Variants in ATP10B observed in about 807,000 individuals in gnomAD.
ATP10B encodes the protein ATPase phospholipid transporting 10B (putative), also known as phospholipid-transporting ATPase VB.
ATP10B carries 122 observed loss-of-function variants against 141.2 expected under a neutral mutation model. That is an observed-to-expected ratio of 0.86 (90% CI 0.75 to 1.00). The LOEUF (loss-of-function observed/expected upper bound fraction) is 1.00, where lower values mean the gene tolerates loss of function less well. ATP10B is among the 50% of genes least tolerant of loss of function. The probability of loss-of-function intolerance (pLI) is 0.00; values close to 1 mark genes in which losing one functional copy is unlikely to be tolerated. For synonymous variants in ATP10B, 685 were observed against 692.0 expected, an observed-to-expected ratio of 0.99 and a Z score of 0.16; for missense variants, 1,876 against 1,825.3, an observed-to-expected ratio of 1.03 and a Z score of -0.51.
At chr5:160,849,660 T>C (rs532810093) in intron 1 of ATP10B, among the ~76,000 whole-genome samples, 1 of 127,590 alleles carries the variant, frequency 7.8e-6, no homozygotes, top group Non-Finnish European at 1.8e-5. Context: ...ATGTGAGCAT[T>C]TGACAGGCGC....
intron 21 of ATP10B, among the ~76,000 whole-genome samples, chr5:160,599,604 A>C (rs1756964118): frequency 6.6e-6 from 1 of 152,232 alleles, no homozygotes; most frequent in East Asian, 1.9e-4. Flanking sequence ...AGACTGAACC[A>C]TGAGCAGGAC....
intron 2 of ATP10B, among the ~76,000 whole-genome samples, chr5:160,741,358 G>A (rs1297841232): frequency 6.6e-6 from 1 of 152,222 alleles, no homozygotes; most frequent in Non-Finnish European, 1.5e-5. Flanking sequence ...AGTCCAAAAG[G>A]AGGATGGGAT....
chr5:160,619,522 T>C (rs1282438476), intron 15 of ATP10B, among the ~76,000 whole-genome samples: 1 of 152,128 alleles, frequency 6.6e-6, no homozygotes, highest in African/African-American at 2.4e-5. Context: ...CCCTTCCCAT[T>C]CTACACACTA....
At chr5:160,724,660 C>G (rs1030474177) in intron 2 of ATP10B, among the ~76,000 whole-genome samples, 1 of 152,202 alleles carries the variant, frequency 6.6e-6, no homozygotes, top group Non-Finnish European at 1.5e-5. Context: ...TCTGCTCCAG[C>G]TATAATGGCC....
the ATP10B span, among the ~76,000 whole-genome samples, chr5:160,914,588 TA>T: frequency 6.6e-6 from 1 of 152,344 alleles, no homozygotes; most frequent in Middle Eastern, 3.4e-3. Context: ...TGCTATTTTT[TA>T]TTGTTTCCCT....
At chr5:160,817,992 A>G (rs899935458) in intron 1 of ATP10B, among the ~76,000 whole-genome samples, 11 of 152,346 alleles carry the variant, frequency 7.2e-5, no homozygotes, top group African/African-American at 2.6e-4. Flanking sequence ...TTATACAAAA[A>G]TTAATTCAAG....
chr5:160,625,044 C>T (rs114623371), intron 13 of ATP10B, among the ~76,000 whole-genome samples: 172 of 152,264 alleles, frequency 1.1e-3, no homozygotes, highest in African/African-American at 4.0e-3. Flanking sequence ...TCCATGGCCT[C>T]GTTATATCCC....
intron 19 of ATP10B, 110 bp from the exon 20 acceptor site, chr5:160,604,151 T>G (rs949832556): frequency 2.2e-5 from 17 of 779,868 alleles, no homozygotes; most frequent in Non-Finnish European, 3.2e-5. Flanking sequence ...TTAACATTAC[T>G]CTAGTGCTAT....
chr5:160,705,690 T>C (rs1424180605), intron 3 of ATP10B, among the ~76,000 whole-genome samples: 3 of 152,254 alleles, frequency 2.0e-5, no homozygotes, highest in Non-Finnish European at 2.9e-5. Flanking sequence ...TATCCAGCTC[T>C]ATAAAACTTT....
chr5:160,793,309 A>T (rs563680500), intron 1 of ATP10B, among the ~76,000 whole-genome samples: 1 of 151,554 alleles, frequency 6.6e-6, no homozygotes, highest in East Asian at 1.9e-4. Context: ...GTCTGTATGT[A>T]TTTTTATTTT....
At chr5:160,806,573 ATCTTTATTG>A (rs1772785215) in intron 1 of ATP10B, among the ~76,000 whole-genome samples, 1 of 152,194 alleles carries the variant, frequency 6.6e-6, no homozygotes, top group African/African-American at 2.4e-5. Flanking sequence ...TGGGAAGATG[ATCTTTATTG>A]TCTAAGGAAG....
chr5:160,922,951 G>A, the ATP10B span, among the ~76,000 whole-genome samples: 1 of 152,252 alleles, frequency 6.6e-6, no homozygotes, highest in African/African-American at 2.4e-5. Context: ...CCCTGCAGAG[G>A]AAGGAAATAG....
the ATP10B span, among the ~76,000 whole-genome samples, chr5:160,910,846 G>C: frequency 6.6e-5 from 10 of 152,188 alleles, no homozygotes; most frequent in African/African-American, 2.2e-4. Flanking sequence ...GCCCCACCAA[G>C]TTTCATCATA....
the ATP10B span, among the ~76,000 whole-genome samples, chr5:160,887,364 A>G: frequency 6.6e-6 from 1 of 152,150 alleles, no homozygotes; most frequent in Admixed American, 6.5e-5. Flanking sequence ...AACTACAAGA[A>G]AAATGTCTGT....
In ATP10B at chr5:160,785,599, C is replaced by G; in HGVS notation, c.-371G>C. ...CAAGTCTTGTTCCTCTTTCTCCTTCCCTCCTTTTTGAAGTCTCAGTGTTTA... is the reference window on the plus strand; with the variant it reads ...CAAGTCTTGTTCCTCTTTCTCCTTCGCTCCTTTTTGAAGTCTCAGTGTTTA... On this transcript the variant is annotated 5_prime_UTR_variant, in exon 2 of 26. Transcript: ENST00000327245. 3 of 1,051,418 alleles carry G rather than the reference C, an allele frequency of 2.9e-6. No homozygotes were observed. Among genetic ancestry groups the G allele is most frequent in the Non-Finnish European group, 3.9e-6 (3 of 772,092 alleles). The allele number at this position is 1,051,418 out of a possible 1,614,324, so 65.1% of individuals were successfully genotyped here. A position where few individuals can be genotyped will look rare whatever the true frequency, so the allele number is the denominator to read the frequency against.
At chr5:160,702,828 T>A (rs1764754993) in intron 3 of ATP10B, among the ~76,000 whole-genome samples, 1 of 152,190 alleles carries the variant, frequency 6.6e-6, no homozygotes. Context: ...GCTTTCCCAG[T>A]AGAACCAAGG....
At chr5:160,758,051 A>G (rs572076990) in intron 2 of ATP10B, among the ~76,000 whole-genome samples, 2 of 152,320 alleles carry the variant, frequency 1.3e-5, no homozygotes, top group Admixed American at 6.5e-5. Context: ...GTAATAGGCT[A>G]TAGGGAGTCA....
chr5:160,602,246 G>T (rs1230610366), intron 21 of ATP10B, among the ~76,000 whole-genome samples: 1 of 152,212 alleles, frequency 6.6e-6, no homozygotes, highest in South Asian at 2.1e-4. Flanking sequence ...GTAAAACTGA[G>T]ATTTGGGGAC....
At chr5:160,853,034 C>T (rs1453558476), upstream of ATP10B, among the ~76,000 whole-genome samples, 1 of 152,004 alleles carries the variant, frequency 6.6e-6, no homozygotes, top group African/African-American at 2.4e-5. Context: ...TTGTATGTAC[C>T]TACAGATCTT....
Sources: allele counts gnomAD v4.1 joint callset (sites outside exome capture counted in the v4.1 genomes callset), GRCh38; gene constraint gnomAD v4.1.1; transcripts MANE v1.5; gene names NCBI Gene and HGNC (gene_info 2026-07-23, HGNC 2026-07-21).